CSNK2A1: variants seen among roughly 807,000 people sequenced by gnomAD.
CSNK2A1 encodes casein kinase II subunit alpha.
A neutral mutation model predicts 62.9 loss-of-function variants in CSNK2A1; 10 were observed. The observed-to-expected ratio is 0.16, with a 90% CI of 0.10 to 0.27. CSNK2A1 has a LOEUF of 0.27. Ranked by LOEUF, CSNK2A1 falls within the 10% of genes least tolerant of loss-of-function variation. The probability of loss-of-function intolerance (pLI) is 1.00; values close to 1 mark genes in which losing one functional copy is unlikely to be tolerated. For missense variants in CSNK2A1, 160 were observed against 492.0 expected (o/e 0.33, Z 6.38); for synonymous variants, 124 against 167.8 (o/e 0.74, Z 2.02).
At chr20:526,190 G>A (rs1044107486) in intron 2 of CSNK2A1, among the ~76,000 whole-genome samples, 3 of 151,360 alleles carry the variant, frequency 2.0e-5, no homozygotes, top group Admixed American at 6.6e-5. Context: ...AAAAATGCTC[G>A]TGCTGAGCCC....
chr20:529,713 T>C (rs2019171768), intron 1 of CSNK2A1, among the ~76,000 whole-genome samples: 1 of 152,152 alleles, frequency 6.6e-6, no homozygotes, highest in Non-Finnish European at 1.5e-5. Flanking sequence ...GAGGGAAAAA[T>C]AAATTCACAT....
chr20:518,713 ATT>A (rs10534951), intron 2 of CSNK2A1, among the ~76,000 whole-genome samples: 86,272 of 120,998 alleles, frequency 0.71, 31,997 homozygotes, highest in East Asian at 0.95. Context: ...CGCCCGGCTA[ATT>A]TTTTTTTTTT....
intron 8 of CSNK2A1, chr20:494,678 G>A (rs1172705080): frequency 2.0e-5 from 3 of 152,304 alleles, no homozygotes; most frequent in Non-Finnish European, 2.9e-5. Context: ...TCTATCTTCA[G>A]AGAAAAGGCC....
chr20:494,799 C>T (rs1242862825), intron 8 of CSNK2A1: 1 of 152,236 alleles, frequency 6.6e-6, no homozygotes, highest in Non-Finnish European at 1.5e-5. Flanking sequence ...TGCTGCTCTT[C>T]CAACATGCCA....
chr20:535,096 G>A (rs919021241), intron 1 of CSNK2A1, among the ~76,000 whole-genome samples: 1 of 144,302 alleles, frequency 6.9e-6, no homozygotes, highest in African/African-American at 2.6e-5. Context: ...TGGCTCATGA[G>A]TGTAATCTCA....
In CSNK2A1 at chr20:483,762, C is replaced by T. The variant is rs1313060928; in HGVS notation, c.*199G>A. On this transcript the variant is annotated 3_prime_UTR_variant, in exon 14 of 14. Transcript: ENST00000217244. ...GGAATCCCCTGAGTTATGAAAAGTTCGAGTTAAAAAAAAAAAGAAAAAAGA... is the reference window on the plus strand; with the variant it reads ...GGAATCCCCTGAGTTATGAAAAGTTTGAGTTAAAAAAAAAAAGAAAAAAGA... 1.6e-5 allele frequency: 6 copies of T among 373,804 alleles called. No individual in the cohort carries two copies. Among genetic ancestry groups the T allele is most frequent in the South Asian group, 1.4e-4 (1 of 7,374 alleles). 23.2% of individuals were successfully genotyped at this position (373,804 alleles called of 1,614,324 possible).
intron 12 of CSNK2A1, chr20:487,069 T>C (rs2018116111): frequency 4.2e-6 from 1 of 235,680 alleles, no homozygotes; most frequent in Non-Finnish European, 8.3e-6. Flanking sequence ...AAGGTGTTCA[T>C]ACAATTTTAA....
At position 526,185 on chromosome 20, in the gene CSNK2A1, TGCTCGTGCTGAGCCCGTG is replaced by T. The variant is rs761796833; in HGVS notation, c.-110+1730_-110+1747del. Among the ~76,000 whole-genome samples, 355 of 151,476 alleles carry T rather than the reference TGCTCGTGCTGAGCCCGTG, an allele frequency of 2.3e-3. 3 individuals are homozygous for T. The highest frequency in any genetic ancestry group is 3.9e-3 in the Non-Finnish European group (264 of 67,588). ...ACAATACCAATTGAGTCTTTAAAAA[TGCTCGTGCTGAGCCCGTG>T]GCTCATGCCTGTAATCCCAACACTT... is the stretch of plus-strand genomic sequence containing the variant. On this transcript the variant is annotated intron_variant, in intron 2 of 13. Transcript: ENST00000217244.
intron 1 of CSNK2A1, 53 bp from the exon 2 acceptor site, chr20:528,102 C>T (rs544032597): frequency 6.6e-6 from 1 of 152,286 alleles, no homozygotes; most frequent in Admixed American, 6.5e-5. Flanking sequence ...ATTTAAAAGA[C>T]ATCATAAGGT....
At chr20:515,753 C>T (rs205875) in intron 2 of CSNK2A1, among the ~76,000 whole-genome samples, 44,970 of 152,086 alleles carry the variant, frequency 0.3, 7,155 homozygotes, top group East Asian at 0.58. Flanking sequence ...TTTTGTAGCA[C>T]GTTCAGTAAA....
intron 2 of CSNK2A1, chr20:510,080 C>G (rs1349349008): frequency 6.6e-6 from 1 of 151,914 alleles, no homozygotes; most frequent in Non-Finnish European, 1.5e-5. Context: ...ACAATATCGA[C>G]AGAACTGGAA....
chr20:512,194 C>T (rs55674800), intron 2 of CSNK2A1, among the ~76,000 whole-genome samples: 1 of 151,004 alleles, frequency 6.6e-6, no homozygotes. Flanking sequence ...TTTTGGTTTT[C>T]TTTTCTTCTT....
rs75556935 is a variant in CSNK2A1, at chr20:518,469, T to C, written c.-110+9464A>G. The stretch of plus-strand genomic sequence containing the variant: ...TGGATTAGTGCCCATGCATACCTGA[T>C]ATAAGCAAGCTCTCCATGGAGGAAA... On this transcript the variant is annotated intron_variant, in intron 2 of 13. Transcript: ENST00000217244. Among the ~76,000 whole-genome samples the C allele has an allele frequency of 6.9e-3, 1,056 of 152,340 alleles. 12 individuals are homozygous for C. Among genetic ancestry groups the C allele is most frequent in the African/African-American group, 0.024 (991 of 41,582 alleles).
At chr20:535,034 CAAAAAAAAAAAAAAAA>C (rs11469217) in intron 1 of CSNK2A1, among the ~76,000 whole-genome samples, 18 of 50,796 alleles carry the variant, frequency 3.5e-4, no homozygotes, top group African/African-American at 1.3e-3. Context: ...TGCTATCTCC[CAAAAAAAAAAAAAAAA>C]AAAAAAAAAA....
At chr20:511,316 G>A (rs928256005) in intron 2 of CSNK2A1, among the ~76,000 whole-genome samples, 1 of 152,140 alleles carries the variant, frequency 6.6e-6, no homozygotes, top group Admixed American at 6.5e-5. Context: ...CTCCAGCCTG[G>A]GTGACAGGAG....
At chr20:486,263 G>T (rs2122502725) in intron 13 of CSNK2A1, 113 bp downstream of exon 13, 1 of 1,229,592 alleles carries the variant, frequency 8.1e-7, no homozygotes, top group East Asian at 2.6e-5. Context: ...TTAAAAAAAA[G>T]TCACAAGGCC....
chr20:496,882 A>G (rs2018357097), intron 7 of CSNK2A1, among the ~76,000 whole-genome samples: 1 of 152,188 alleles, frequency 6.6e-6, no homozygotes, highest in South Asian at 2.1e-4. Context: ...TAGGACAATT[A>G]CCCTTTGAGA....
intron 1 of CSNK2A1, among the ~76,000 whole-genome samples, chr20:533,576 C>A (rs1824542401): frequency 6.6e-6 from 1 of 152,212 alleles, no homozygotes; most frequent in South Asian, 2.1e-4. Context: ...GCACTCCAGC[C>A]TGGGTGACAG....
intron 3 of CSNK2A1, 127 bp from the exon 4 acceptor site, chr20:505,356 T>TA: frequency 1.6e-6 from 1 of 606,622 alleles, no homozygotes; most frequent in Non-Finnish European, 2.6e-6. Context: ...AATAGGTTTT[T>TA]TTTTTTTTTT....
Sources: allele counts gnomAD v4.1 joint callset (sites outside exome capture counted in the v4.1 genomes callset), GRCh38; gene constraint gnomAD v4.1.1; transcripts MANE v1.5; gene names NCBI Gene and HGNC (gene_info 2026-07-23, HGNC 2026-07-21).